SAMD5: variants seen among roughly 807,000 people sequenced by gnomAD.
SAMD5 encodes sterile alpha motif domain-containing protein 5.
Under a neutral mutation model 11.3 loss-of-function variants are expected in SAMD5, and 13 were observed. The ratio of observed to expected loss-of-function variants is 1.15; its 90% CI spans 0.75 to 1.83. The LOEUF (loss-of-function observed/expected upper bound fraction) is 1.83. Ranked by LOEUF, SAMD5 falls within the 40% of genes most tolerant of loss-of-function variation. The probability of loss-of-function intolerance (pLI) is 0.00; values close to 1 mark genes in which losing one functional copy is unlikely to be tolerated. For missense variants in SAMD5, 255 were observed against 239.1 expected (o/e 1.07, Z -0.44); for synonymous variants, 129 against 111.3 (o/e 1.16, Z -1.00).
intron 1 of SAMD5, among the ~76,000 whole-genome samples, chr6:147,561,530 AT>A (rs1371800509): frequency 6.6e-6 from 1 of 152,104 alleles, no homozygotes; most frequent in East Asian, 1.9e-4. Context: ...GCCTTTCATG[AT>A]TTTTAAGTCA....
chr6:147,607,675 A>G (rs1313189415), intron 1 of SAMD5, among the ~76,000 whole-genome samples: 1 of 152,226 alleles, frequency 6.6e-6, no homozygotes, highest in African/African-American at 2.4e-5. Flanking sequence ...TAAGACTTCA[A>G]ACGATGAAAC....
At chr6:147,619,249 C>A (rs1789921365) in intron 1 of SAMD5, among the ~76,000 whole-genome samples, 1 of 152,182 alleles carries the variant, frequency 6.6e-6, no homozygotes, top group African/African-American at 2.4e-5. Context: ...AAATAGAAAT[C>A]ACCATGTATT....
the SAMD5 span, among the ~76,000 whole-genome samples, chr6:147,861,980 A>T: frequency 6.6e-6 from 1 of 152,130 alleles, no homozygotes; most frequent in Non-Finnish European, 1.5e-5. Context: ...CAGCTCAGAA[A>T]GGGGGAGGTC....
chr6:147,778,546 T>G, the SAMD5 span, among the ~76,000 whole-genome samples: 2 of 152,182 alleles, frequency 1.3e-5, no homozygotes. Flanking sequence ...GCTCCAAACC[T>G]TGGATTCATC....
chr6:147,774,835 G>A, the SAMD5 span, among the ~76,000 whole-genome samples: 8 of 152,006 alleles, frequency 5.3e-5, no homozygotes, highest in South Asian at 8.3e-4. Context: ...GCAATTTTAC[G>A]GTTGAATTTT....
intron 1 of SAMD5, among the ~76,000 whole-genome samples, chr6:147,649,958 T>G (rs1790459401): frequency 1.3e-5 from 2 of 152,168 alleles, no homozygotes. Context: ...TAAGTGTACC[T>G]TATATGTTGA....
chr6:147,769,476 TC>T, the SAMD5 span, among the ~76,000 whole-genome samples: 1 of 152,200 alleles, frequency 6.6e-6, no homozygotes, highest in Non-Finnish European at 1.5e-5. Flanking sequence ...TCAAACAACT[TC>T]CTTACTCAGT....
At chr6:147,782,445 A>T in the SAMD5 span, among the ~76,000 whole-genome samples, 3 of 152,236 alleles carry the variant, frequency 2.0e-5, no homozygotes, top group Non-Finnish European at 4.4e-5. Context: ...TAATGATGCC[A>T]TGGATTATAA....
At chr6:147,742,365 G>A (rs986798281), downstream of SAMD5, among the ~76,000 whole-genome samples, 1 of 151,864 alleles carries the variant, frequency 6.6e-6, no homozygotes, top group Non-Finnish European at 1.5e-5. Context: ...GAATTGAAAT[G>A]ATTCTTTCCC....
chr6:147,646,358 A>G (rs1172359949), intron 1 of SAMD5, among the ~76,000 whole-genome samples: 1 of 152,182 alleles, frequency 6.6e-6, no homozygotes, highest in Admixed American at 6.5e-5. Context: ...ATTTGCATCA[A>G]TTGTTTATGC....
the SAMD5 span, among the ~76,000 whole-genome samples, chr6:147,909,045 CA>C: frequency 6.6e-6 from 1 of 152,102 alleles, no homozygotes; most frequent in Non-Finnish European, 1.5e-5. Flanking sequence ...TATGTCTCTA[CA>C]AAAAAATTTA....
At chr6:147,585,145 T>C (rs844557) in intron 1 of SAMD5, among the ~76,000 whole-genome samples, 91,826 of 151,906 alleles carry the variant, frequency 0.6, 28,052 homozygotes, top group African/African-American at 0.67. Context: ...GGCAAAAGAT[T>C]GAGACCCATT....
the SAMD5 span, among the ~76,000 whole-genome samples, chr6:147,866,726 C>T: frequency 2.0e-5 from 3 of 152,140 alleles, no homozygotes; most frequent in African/African-American, 7.2e-5. Flanking sequence ...TCAGTAAACC[C>T]ACTGTATATA....
chr6:147,858,860 C>T, the SAMD5 span, among the ~76,000 whole-genome samples: 13 of 152,172 alleles, frequency 8.5e-5, no homozygotes, highest in East Asian at 3.8e-4. Context: ...CCATGTGCCA[C>T]GCACTATTCT....
the SAMD5 span, among the ~76,000 whole-genome samples, chr6:147,934,813 G>A: frequency 1.3e-5 from 2 of 152,176 alleles, no homozygotes; most frequent in Non-Finnish European, 2.9e-5. Flanking sequence ...ACATGATTCT[G>A]CTGTTGACCA....
intron 1 of SAMD5, among the ~76,000 whole-genome samples, chr6:147,660,098 G>C (rs1289403974): frequency 6.6e-6 from 1 of 152,134 alleles, no homozygotes; most frequent in Admixed American, 6.5e-5. Context: ...CACAGCTGAT[G>C]GGTCTTCTTG....
the SAMD5 span, among the ~76,000 whole-genome samples, chr6:147,788,855 G>C: frequency 6.6e-6 from 1 of 150,654 alleles, no homozygotes; most frequent in Admixed American, 6.6e-5. Flanking sequence ...AGGCCAAGGC[G>C]GGAGGATCAC....
intron 1 of SAMD5, among the ~76,000 whole-genome samples, chr6:147,640,134 T>C (rs764083079): frequency 3.3e-5 from 5 of 151,954 alleles, no homozygotes; most frequent in Admixed American, 6.6e-5. Context: ...GCGACCATCC[T>C]GGCCAACATG....
At chr6:147,639,060 T>C (rs1425770272) in intron 1 of SAMD5, among the ~76,000 whole-genome samples, 2 of 152,214 alleles carry the variant, frequency 1.3e-5, no homozygotes, top group African/African-American at 2.4e-5. Flanking sequence ...ATTGTGATTC[T>C]AAAGATAGAC....
Sources: allele counts gnomAD v4.1 joint callset (sites outside exome capture counted in the v4.1 genomes callset), GRCh38; gene constraint gnomAD v4.1.1; transcripts MANE v1.5; gene names NCBI Gene and HGNC (gene_info 2026-07-23, HGNC 2026-07-21).